SDCCAG8: variants seen among roughly 807,000 people sequenced by gnomAD.
The protein encoded by SDCCAG8 is serologically defined colon cancer antigen 8.
In SDCCAG8, 74 loss-of-function variants were observed where a neutral mutation model predicts 101.8. The ratio of observed to expected loss-of-function variants is 0.73; its 90% CI spans 0.60 to 0.88. The LOEUF (loss-of-function observed/expected upper bound fraction) is 0.88. Among genes scored for constraint, SDCCAG8 ranks in the 40% least tolerant of loss-of-function variants. SDCCAG8 has a pLI of 0.00. For synonymous variants in SDCCAG8, 281 were observed against 292.9 expected (o/e 0.96, Z 0.41); for missense variants, 787 against 822.6 (o/e 0.96, Z 0.53).
At chr1:243,397,800 T>C (rs1367469723) in intron 13 of SDCCAG8, among the ~76,000 whole-genome samples, 1 of 152,252 alleles carries the variant, frequency 6.6e-6, no homozygotes, top group African/African-American at 2.4e-5. Context: ...CAAACCCAAG[T>C]ACAATTTACA....
chr1:243,426,078 G>T (rs2148041889), intron 15 of SDCCAG8, among the ~76,000 whole-genome samples: 1 of 152,266 alleles, frequency 6.6e-6, no homozygotes, highest in Non-Finnish European at 1.5e-5. Flanking sequence ...TAGGCCTAGG[G>T]TTTCTTCTTT....
At chr1:243,328,731 A>C (rs2074386315) in intron 9 of SDCCAG8, among the ~76,000 whole-genome samples, 1 of 152,204 alleles carries the variant, frequency 6.6e-6, no homozygotes, top group Non-Finnish European at 1.5e-5. Flanking sequence ...ACAGCTTCTC[A>C]CTTTGTGCTT....
chr1:243,367,045 T>A (rs140728416), intron 12 of SDCCAG8, among the ~76,000 whole-genome samples: 1 of 152,218 alleles, frequency 6.6e-6, no homozygotes, highest in East Asian at 1.9e-4. Flanking sequence ...TTATATTTTA[T>A]TTTTGCTTTT....
chr1:243,339,082 G>A (rs1015064230), intron 10 of SDCCAG8: 1 of 159,592 alleles, frequency 6.3e-6, no homozygotes, highest in Non-Finnish European at 1.4e-5. Flanking sequence ...ACAGCTAGTG[G>A]GCAGAGGACC....
At chr1:243,311,897 A>C (rs1188013807) in intron 8 of SDCCAG8, among the ~76,000 whole-genome samples, 1 of 152,262 alleles carries the variant, frequency 6.6e-6, no homozygotes, top group South Asian at 2.1e-4. Context: ...GCAGTCATTC[A>C]GAAATTAAGA....
At chr1:243,462,566 A>G (rs1659333995) in intron 16 of SDCCAG8, among the ~76,000 whole-genome samples, 1 of 152,256 alleles carries the variant, frequency 6.6e-6, no homozygotes, top group South Asian at 2.1e-4. Flanking sequence ...CCCAACGCCC[A>G]GTAAAGAAGA....
intron 9 of SDCCAG8, among the ~76,000 whole-genome samples, chr1:243,320,466 G>C (rs1353796358): frequency 6.6e-6 from 1 of 152,084 alleles, no homozygotes; most frequent in Admixed American, 6.6e-5. Flanking sequence ...GCTCCCTTTT[G>C]CCCTCCAAGG....
chr1:243,439,830 A>G (rs6685276), intron 16 of SDCCAG8, among the ~76,000 whole-genome samples: 27,162 of 152,078 alleles, frequency 0.18, 2,625 homozygotes, highest in African/African-American at 0.23. Context: ...CATGCTTTTA[A>G]CTACCTGAGT....
chr1:243,483,954 T>TTC (rs553130118), intron 16 of SDCCAG8, among the ~76,000 whole-genome samples: 81 of 152,266 alleles, frequency 5.3e-4, no homozygotes, highest in Non-Finnish European at 1.0e-3. Flanking sequence ...TTGCCAACCC[T>TTC]TCCCAGGCAA....
intron 4 of SDCCAG8, among the ~76,000 whole-genome samples, chr1:243,276,807 C>T (rs536486450): frequency 7.9e-5 from 12 of 152,242 alleles, no homozygotes; most frequent in Admixed American, 3.9e-4. Flanking sequence ...TCTTCCCCTC[C>T]GCCCCTTCCC....
At chr1:243,498,755 A>G (rs1040770341) in intron 17 of SDCCAG8, among the ~76,000 whole-genome samples, 2 of 152,248 alleles carry the variant, frequency 1.3e-5, no homozygotes, top group South Asian at 4.1e-4. Context: ...AGGTTGATAG[A>G]GTCCTCCCTT....
chr1:243,349,708 A>G (rs1421829004), intron 12 of SDCCAG8, among the ~76,000 whole-genome samples: 1 of 152,238 alleles, frequency 6.6e-6, no homozygotes, highest in African/African-American at 2.4e-5. Context: ...TTAGTGGCAC[A>G]TGACTTACTA....
intron 6 of SDCCAG8, among the ~76,000 whole-genome samples, chr1:243,303,735 A>G (rs1228433770): frequency 6.6e-6 from 1 of 152,174 alleles, no homozygotes; most frequent in Admixed American, 6.5e-5. Flanking sequence ...TAAGTCTTCT[A>G]GTCAATAGTA....
chr1:243,256,060 C>G lies in SDCCAG8; in HGVS notation c.-114C>G. The G allele has an allele frequency of 1.0e-6, 1 of 971,046 alleles. No individual in the cohort carries two copies. Among genetic ancestry groups the G allele is most frequent in the Non-Finnish European group, 1.7e-6 (1 of 594,388 alleles). 60.2% of individuals were successfully genotyped at this position (971,046 alleles called of 1,614,324 possible). A position where few individuals can be genotyped will look rare whatever the true frequency, so the allele number is the denominator to read the frequency against. On this transcript the variant is annotated 5_prime_UTR_variant, in exon 1 of 18. Transcript: ENST00000366541. ...TGCGGGATTCTAGGCTCCCCTGTGA[C>G]AGCCGCGGCAGGAAGCAGGCGGGCG...
In SDCCAG8 at chr1:243,281,576, T is replaced by G. The variant is rs192528282; in HGVS notation, c.421-4696T>G. ...ATGATTGGATCAATGTATAACACATTTGTTACTATTATCTTCATTGTCTTT... is the reference window on the plus strand; with the variant it reads ...ATGATTGGATCAATGTATAACACATGTGTTACTATTATCTTCATTGTCTTT... On this transcript the variant is annotated intron_variant, in intron 4 of 17. Coordinates refer to ENST00000366541, the MANE Select transcript of SDCCAG8 (RefSeq NM_006642.5). 2.3e-4 allele frequency among the ~76,000 whole-genome samples: 35 copies of G among 152,162 alleles called. No individual in the cohort carries two copies. In the East Asian group the frequency reaches 6.6e-3, roughly 28 times the overall value.
chr1:243,261,144 A>G (rs1035484097), intron 1 of SDCCAG8, among the ~76,000 whole-genome samples: 13 of 152,148 alleles, frequency 8.5e-5, no homozygotes, highest in Admixed American at 2.0e-4. Context: ...AAACATTTCA[A>G]TTTCTTCCTT....
intron 16 of SDCCAG8, among the ~76,000 whole-genome samples, chr1:243,473,785 G>A (rs1267654938): frequency 6.6e-6 from 1 of 151,994 alleles, no homozygotes; most frequent in African/African-American, 2.4e-5. Flanking sequence ...AGAGAGGAAG[G>A]GAATTCAAGT....
chr1:243,377,830 C>CT (rs34783752), intron 12 of SDCCAG8, among the ~76,000 whole-genome samples: 142,590 of 144,978 alleles, frequency 0.98, 70,120 homozygotes, highest in East Asian at 1. Context: ...TCTGCCCTTT[C>CT]TTTTTTTTTT....
intron 17 of SDCCAG8, 119 bp from the exon 18 acceptor site, chr1:243,499,635 AAC>A: frequency 1.3e-6 from 1 of 796,672 alleles, no homozygotes; most frequent in Admixed American, 2.0e-5. Flanking sequence ...CATTTTTAGC[AAC>A]AGGTTTTTTT....
Sources: gnomAD v4.1 joint callset for allele counts (sites outside exome capture counted in the v4.1 genomes callset) on GRCh38, gnomAD v4.1.1 for gene constraint, MANE v1.5 for transcripts, NCBI Gene and HGNC (gene_info 2026-07-23, HGNC 2026-07-21) for gene names.